The following ADCY2 variants were observed in gnomAD, a reference collection of about 807,000 sequenced individuals.
ADCY2 encodes adenylate cyclase type 2.
A neutral mutation model predicts 125.2 loss-of-function variants in ADCY2; 31 were observed. That is an observed-to-expected ratio of 0.25 (90% CI 0.19 to 0.33). The LOEUF (loss-of-function observed/expected upper bound fraction) is 0.33. Among genes scored for constraint, ADCY2 ranks in the 10% least tolerant of loss-of-function variants. ADCY2 has a pLI of 1.00. For missense variants in ADCY2, 904 were observed against 1,418.2 expected (o/e 0.64, Z 5.82); for synonymous variants, 512 against 548.4 (o/e 0.93, Z 0.93).
chr5:7,603,192 G>C (rs1737272371), intron 3 of ADCY2, among the ~76,000 whole-genome samples: 1 of 152,176 alleles, frequency 6.6e-6, no homozygotes, highest in Non-Finnish European at 1.5e-5. Flanking sequence ...TTCACATCTT[G>C]TTCCATCACC....
At chr5:7,459,247 A>G (rs561510058) in intron 2 of ADCY2, among the ~76,000 whole-genome samples, 6 of 152,306 alleles carry the variant, frequency 3.9e-5, no homozygotes, top group Non-Finnish European at 8.8e-5. Context: ...AGCAAGTCAC[A>G]TGGCCCAGGC....
intron 3 of ADCY2, among the ~76,000 whole-genome samples, chr5:7,603,921 G>T (rs1331234567): frequency 1.1e-5 from 1 of 87,696 alleles, no homozygotes; most frequent in Non-Finnish European, 2.1e-5. Flanking sequence ...ACCCACTAAT[G>T]TGTCATCTAG....
chr5:7,704,747 G>A (rs369533361), intron 7 of ADCY2, among the ~76,000 whole-genome samples: 5 of 152,118 alleles, frequency 3.3e-5, no homozygotes, highest in Non-Finnish European at 7.4e-5. Flanking sequence ...GCGGTTTGGC[G>A]TGCGCCTGTA....
intron 2 of ADCY2, among the ~76,000 whole-genome samples, chr5:7,506,890 C>T (rs1436020976): frequency 6.8e-6 from 1 of 146,020 alleles, no homozygotes; most frequent in Non-Finnish European, 1.5e-5. Flanking sequence ...CGGGTTCACG[C>T]CATTCTCCTG....
chr5:7,445,859 C>T (rs1481103825), intron 2 of ADCY2, among the ~76,000 whole-genome samples: 1 of 152,118 alleles, frequency 6.6e-6, no homozygotes, highest in African/African-American at 2.4e-5. Flanking sequence ...AAAGAATCCT[C>T]ATATTGTTTT....
chr5:7,420,892 A>G (rs1454178186), intron 2 of ADCY2, among the ~76,000 whole-genome samples: 1 of 152,102 alleles, frequency 6.6e-6, no homozygotes, highest in African/African-American at 2.4e-5. Context: ...ATTTTTCTGA[A>G]TGGTTTAAAA....
chr5:7,759,425 C>G (rs966343000), intron 16 of ADCY2, among the ~76,000 whole-genome samples: 1 of 152,218 alleles, frequency 6.6e-6, no homozygotes, highest in Non-Finnish European at 1.5e-5. Flanking sequence ...CCAGGCAAGT[C>G]CATGCAGGCC....
chr5:7,438,702 T>A (rs375721357), intron 2 of ADCY2, among the ~76,000 whole-genome samples: 18 of 152,356 alleles, frequency 1.2e-4, no homozygotes, highest in African/African-American at 4.1e-4. Context: ...AAAATGGGTA[T>A]AATGAAACAT....
intron 15 of ADCY2, among the ~76,000 whole-genome samples, chr5:7,748,019 G>T (rs551634989): frequency 6.6e-6 from 1 of 152,286 alleles, no homozygotes; most frequent in African/African-American, 2.4e-5. Context: ...ATCCTGCTCC[G>T]CATTCTGGCG....
intron 3 of ADCY2, among the ~76,000 whole-genome samples, chr5:7,537,331 A>G (rs1001101890): frequency 2.0e-5 from 3 of 152,184 alleles, no homozygotes; most frequent in African/African-American, 7.2e-5. Context: ...TAGAAAACTC[A>G]TTGTCTCCAC....
chr5:7,513,108 G>C (rs55798389), intron 2 of ADCY2, among the ~76,000 whole-genome samples: 34,627 of 83,212 alleles, frequency 0.42, 4,067 homozygotes, highest in Non-Finnish European at 0.47. Context: ...CACACACACA[G>C]AGAGAGAGAG....
rs190513359 is a variant in ADCY2 at position 7,784,208 on chromosome 5, A to C, written c.2385-157A>C. Among the ~76,000 whole-genome samples, 115 of 152,324 alleles carry C rather than the reference A, an allele frequency of 7.5e-4. No homozygotes were observed. In the East Asian group the frequency reaches 0.018, roughly 24 times the overall value. On this transcript the variant is annotated intron_variant, in intron 18 of 24. Transcript: ENST00000338316. ...GGGATTTTTGTTTTGTTTTAATGCA[A>C]GCTGGGTTTGGAAGGAGATTTGAAA...
At chr5:7,427,820 A>C (rs1212779279) in intron 2 of ADCY2, among the ~76,000 whole-genome samples, 1 of 152,192 alleles carries the variant, frequency 6.6e-6, no homozygotes, top group African/African-American at 2.4e-5. Flanking sequence ...AATCATGAGA[A>C]TCTTATTTCT....
chr5:7,787,779 A>AT (rs1310801253), intron 19 of ADCY2, among the ~76,000 whole-genome samples: 3 of 152,118 alleles, frequency 2.0e-5, no homozygotes, highest in East Asian at 1.9e-4. Context: ...AAATACTCTG[A>AT]TTTTTTTTAG....
chr5:7,581,830 A>G (rs968638440), intron 3 of ADCY2, among the ~76,000 whole-genome samples: 2 of 151,898 alleles, frequency 1.3e-5, no homozygotes, highest in African/African-American at 2.4e-5. Context: ...AAAAAAAAAA[A>G]AAAAAGAAAA....
intron 3 of ADCY2, among the ~76,000 whole-genome samples, chr5:7,542,665 T>G (rs577423268): frequency 6.6e-6 from 1 of 152,368 alleles, no homozygotes; most frequent in East Asian, 1.9e-4. Context: ...GCAGCAGCGC[T>G]GAGAAACTGC....
intron 2 of ADCY2, among the ~76,000 whole-genome samples, chr5:7,431,953 G>T (rs757810521): frequency 6.6e-6 from 1 of 152,052 alleles, no homozygotes; most frequent in Non-Finnish European, 1.5e-5. Flanking sequence ...TTTCTCGCTG[G>T]AGTGTTGCCT....
At chr5:7,823,069 C>T (rs946023720) in intron 24 of ADCY2, among the ~76,000 whole-genome samples, 1 of 152,174 alleles carries the variant, frequency 6.6e-6, no homozygotes, top group African/African-American at 2.4e-5. Context: ...ACTTACCTGC[C>T]TTTCATATTT....
intron 15 of ADCY2, among the ~76,000 whole-genome samples, chr5:7,755,035 A>G (rs1396724957): frequency 6.6e-6 from 1 of 152,214 alleles, no homozygotes; most frequent in African/African-American, 2.4e-5. Context: ...AAGATGCTGC[A>G]TGTTCAGAGC....
Sources: allele counts gnomAD v4.1 joint callset (sites outside exome capture counted in the v4.1 genomes callset), GRCh38; gene constraint gnomAD v4.1.1; transcripts MANE v1.5; gene names NCBI Gene and HGNC (gene_info 2026-07-23, HGNC 2026-07-21).